The following SHANK2 variants were observed in gnomAD, a reference collection of about 807,000 sequenced individuals.
SHANK2 encodes SH3 and multiple ankyrin repeat domains 2, also known as SH3 and multiple ankyrin repeat domains protein 2.
A neutral mutation model predicts 133.7 loss-of-function variants in SHANK2; 43 were observed. That is an observed-to-expected ratio of 0.32 (90% CI 0.25 to 0.41). SHANK2 has a LOEUF of 0.41. Ranked by LOEUF, SHANK2 falls within the 10% of genes least tolerant of loss-of-function variation. The pLI is 1.00. For synonymous variants in SHANK2, 1,017 were observed against 952.8 expected (o/e 1.07, Z -1.24); for missense variants, 1,994 against 2,235.8 (o/e 0.89, Z 2.18).
chr11:70,532,319 C>T (rs2059484133), intron 17 of SHANK2, among the ~76,000 whole-genome samples: 1 of 152,126 alleles, frequency 6.6e-6, no homozygotes, highest in Non-Finnish European at 1.5e-5. Flanking sequence ...AGGGGGTCTG[C>T]TGGGGGTGGT....
intron 3 of SHANK2, 68 bp from the exon 4 acceptor site, chr11:71,119,100 C>G: frequency 7.0e-7 from 1 of 1,431,256 alleles, no homozygotes; most frequent in South Asian, 1.3e-5. Flanking sequence ...ATGTGGGGCG[C>G]GTGGTCAGAG....
At chr11:70,571,974 G>C (rs2060050691) in intron 17 of SHANK2, among the ~76,000 whole-genome samples, 1 of 152,200 alleles carries the variant, frequency 6.6e-6, no homozygotes, top group Non-Finnish European at 1.5e-5. Context: ...AGGAGACTGA[G>C]CCCTTGTGAT....
intron 17 of SHANK2, among the ~76,000 whole-genome samples, chr11:70,589,429 G>GA (rs1217595795): frequency 6.6e-6 from 1 of 152,114 alleles, no homozygotes; most frequent in Non-Finnish European, 1.5e-5. Context: ...TTACTGCTCA[G>GA]AAAAAAGAGA....
intron 17 of SHANK2, among the ~76,000 whole-genome samples, chr11:70,587,695 CCA>C (rs1369140349): frequency 2.2e-5 from 3 of 133,886 alleles, no homozygotes; most frequent in Non-Finnish European, 4.6e-5. Context: ...TTGAGCACGT[CCA>C]GTTTTTTTTT....
Position 70,473,094 on chromosome 11 carries a change from A to G in SHANK2, c.5325T>C (p.Asn1775=), listed in dbSNP as rs1555149048. The G allele has an allele frequency of 4.3e-6, 7 of 1,614,224 alleles. No homozygotes were observed. The East Asian group carries it at 1.6e-4, about 36-fold the overall frequency. Residue 1775 remains asparagine (N), a synonymous_variant, in exon 26 of 26, where the codon AAT becomes AAC. Coordinates refer to ENST00000601538, the MANE Select transcript of SHANK2 (RefSeq NM_012309.5). This position sits in a 1 kb window ranked among gnomAD's most constrained non-coding sequence, Gnocchi z 5.9. ...GGACAGGTTTAGTTGTAAAAGGCTTATTTGAGATTGGCTGTTGCAGTATCG... is the reference window on the plus strand; with the variant it reads ...GGACAGGTTTAGTTGTAAAAGGCTTGTTTGAGATTGGCTGTTGCAGTATCG... ...SPSILQQPIS[N]KPFTTKPVHL...
intron 17 of SHANK2, among the ~76,000 whole-genome samples, chr11:70,513,163 GTT>G (rs146172564): frequency 6.9e-6 from 1 of 144,060 alleles, no homozygotes; most frequent in African/African-American, 2.5e-5. Flanking sequence ...GCAGTTTTTT[GTT>G]TTTTTTTTTT....
intron 14 of SHANK2, among the ~76,000 whole-genome samples, chr11:70,772,521 G>C (rs1340116892): frequency 6.6e-6 from 1 of 151,950 alleles, no homozygotes; most frequent in Non-Finnish European, 1.5e-5. Context: ...TGATTATACT[G>C]ACTATATCAT....
chr11:70,658,208 AACAC>A (rs782131753), intron 17 of SHANK2, among the ~76,000 whole-genome samples: 6,476 of 97,500 alleles, frequency 0.066, 222 homozygotes, highest in African/African-American at 0.089. Flanking sequence ...ACGCCCCCCC[AACAC>A]ACACACACAC....
At chr11:70,921,979 T>G (rs1375040652) in intron 10 of SHANK2, among the ~76,000 whole-genome samples, 1 of 152,114 alleles carries the variant, frequency 6.6e-6, no homozygotes, top group East Asian at 1.9e-4. Flanking sequence ...GATCCAGATA[T>G]TGGAGTGAGC....
At chr11:70,947,897 C>T (rs1284983288) in intron 10 of SHANK2, among the ~76,000 whole-genome samples, 3 of 152,162 alleles carry the variant, frequency 2.0e-5, no homozygotes, top group Non-Finnish European at 2.9e-5. Flanking sequence ...TGGCACTGTA[C>T]ATCTCCCCCA....
chr11:70,916,870 T>C (rs1555079975), intron 10 of SHANK2, among the ~76,000 whole-genome samples: 2 of 152,190 alleles, frequency 1.3e-5, no homozygotes, highest in Non-Finnish European at 2.9e-5. Flanking sequence ...CCTCCTATGA[T>C]AAGCAAATGT....
chr11:70,928,889 G>T (rs1555082054), intron 10 of SHANK2, among the ~76,000 whole-genome samples: 1 of 152,134 alleles, frequency 6.6e-6, no homozygotes, highest in Non-Finnish European at 1.5e-5. Context: ...ACGGTAGGGG[G>T]TGACCTGAAA....
intron 1 of SHANK2, among the ~76,000 whole-genome samples, chr11:71,228,689 C>T (rs1168634194): frequency 1.3e-5 from 2 of 152,116 alleles, no homozygotes; most frequent in Non-Finnish European, 2.9e-5. Context: ...ACCTAAGAGG[C>T]GGAGGTTGCA....
In SHANK2 at chr11:70,479,245, G is replaced by A. The variant is rs2058702188; in HGVS notation, c.4980-5806C>T. 6.6e-6 allele frequency among the ~76,000 whole-genome samples: 1 copy of A among 152,216 alleles called. No individual in the cohort carries two copies. The highest frequency in any genetic ancestry group is 2.4e-5 in the African/African-American group (1 of 41,454). On this transcript the variant is annotated intron_variant, in intron 25 of 25. Transcript: ENST00000601538. The surrounding 1 kb of genome is among the most constrained non-coding windows in gnomAD (Gnocchi z 4.4). ...TCCTGAGATGCTGAAAACACCGTGAGGCAGCTTCTAGTACCAAGTCAGTTT... is the reference window on the plus strand; with the variant it reads ...TCCTGAGATGCTGAAAACACCGTGAAGCAGCTTCTAGTACCAAGTCAGTTT...
chr11:70,908,080 A>T, intron 10 of SHANK2: 1 of 253,012 alleles, frequency 4.0e-6, no homozygotes, highest in Non-Finnish European at 8.1e-6. Context: ...TGCGCAACAG[A>T]GTGAGAGTCC....
chr11:70,693,848 G>A (rs1301011158), intron 15 of SHANK2, among the ~76,000 whole-genome samples: 1 of 152,144 alleles, frequency 6.6e-6, no homozygotes. Context: ...ATGGATGGAA[G>A]GATTCATACA....
At chr11:70,630,076 C>T (rs1034342241) in intron 17 of SHANK2, among the ~76,000 whole-genome samples, 10 of 152,186 alleles carry the variant, frequency 6.6e-5, no homozygotes, top group Admixed American at 3.9e-4. Context: ...GGCCCTGGTC[C>T]GGGAGATGCA....
In SHANK2 at chr11:70,661,652, A is replaced by G. The variant is rs782612513; in HGVS notation, c.1880T>C (p.Val627Ala). Residue 627 changes from valine (V) to alanine (A), a missense_variant, in exon 16 of 26, where the codon GTG (valine) becomes GCG (alanine). Physicochemically the swap from Val to Ala is moderately conservative, Grantham distance 64. This residue lies in a region of SHANK2 where 14 missense variants were observed against 42.4 expected (regional missense o/e 0.33). Coordinates refer to ENST00000601538, the MANE Select transcript of SHANK2 (RefSeq NM_012309.5). ...SSDCIIEEKT[V>A]VLQKKDNEGF... The stretch of plus-strand genomic sequence containing the variant: ...CTCATTGTCTTTTTTCTGCAGGACC[A>G]CCGTCTTCTCCTCAATAATGCAGTC... 1.2e-6 allele frequency: 2 copies of G among 1,613,972 alleles called. No homozygotes were observed. The highest frequency in any genetic ancestry group is 1.7e-6 in the Non-Finnish European group (2 of 1,180,008).
chr11:70,533,743 A>G (rs954337397), intron 17 of SHANK2, among the ~76,000 whole-genome samples: 2 of 151,964 alleles, frequency 1.3e-5, no homozygotes, highest in Non-Finnish European at 2.9e-5. Context: ...CCTCTAGTTC[A>G]TCCCCCTACA....
Sources: allele counts gnomAD v4.1 joint callset (sites outside exome capture counted in the v4.1 genomes callset), GRCh38; gene constraint gnomAD v4.1.1; regional missense constraint gnomAD v4.1.1; non-coding constraint Gnocchi (gnomAD v3.1); transcripts MANE v1.5; gene names NCBI Gene and HGNC (gene_info 2026-07-23, HGNC 2026-07-21).